The following FAM110B variants were observed in gnomAD, a reference collection of about 807,000 sequenced individuals.
The protein encoded by FAM110B is family with sequence similarity 110 member B.
FAM110B carries 6 observed loss-of-function variants against 20.4 expected under a neutral mutation model. That is an observed-to-expected ratio of 0.29 (90% CI 0.16 to 0.58). The LOEUF (loss-of-function observed/expected upper bound fraction) is 0.58, where lower values mean the gene tolerates loss of function less well. Ranked by LOEUF, FAM110B falls within the 20% of genes least tolerant of loss-of-function variation. The pLI is 0.90. For synonymous variants in FAM110B, 226 were observed against 214.1 expected, an observed-to-expected ratio of 1.06 and a Z score of -0.49; for missense variants, 434 against 498.2, an observed-to-expected ratio of 0.87 and a Z score of 1.23.
At chr8:58,066,052 G>C (rs1283957417) in intron 2 of FAM110B, among the ~76,000 whole-genome samples, 3 of 152,142 alleles carry the variant, frequency 2.0e-5, no homozygotes, top group African/African-American at 7.2e-5. Flanking sequence ...TCTGGCCCCA[G>C]CATGAGAGTC....
At chr8:58,061,447 A>G (rs981588799) in intron 2 of FAM110B, among the ~76,000 whole-genome samples, 1 of 152,176 alleles carries the variant, frequency 6.6e-6, no homozygotes, top group African/African-American at 2.4e-5. Flanking sequence ...TATCCCCTAT[A>G]AGAGGAATTT....
intron 3 of FAM110B, among the ~76,000 whole-genome samples, chr8:58,098,140 C>T (rs1806681285): frequency 6.6e-6 from 1 of 152,224 alleles, no homozygotes; most frequent in South Asian, 2.1e-4. Flanking sequence ...AAGCTGCACC[C>T]ACAGCCACCC....
intron 2 of FAM110B, among the ~76,000 whole-genome samples, chr8:58,042,826 C>T (rs2036327541): frequency 6.6e-6 from 1 of 152,180 alleles, no homozygotes; most frequent in African/African-American, 2.4e-5. Context: ...GATAAAAAAG[C>T]ATCTGCAAAT....
intron 3 of FAM110B, among the ~76,000 whole-genome samples, chr8:58,088,069 AG>A (rs751896206): frequency 6.6e-6 from 1 of 152,300 alleles, no homozygotes; most frequent in South Asian, 2.1e-4. Flanking sequence ...GGCTTATAAG[AG>A]GGGCCCAGTA....
At chr8:58,117,751 C>A (rs1807251975) in intron 3 of FAM110B, among the ~76,000 whole-genome samples, 1 of 152,250 alleles carries the variant, frequency 6.6e-6, no homozygotes, top group South Asian at 2.1e-4. Context: ...AGTGCTATTT[C>A]TATAATCATT....
At chr8:58,132,642 A>G (rs58872652) in intron 3 of FAM110B, among the ~76,000 whole-genome samples, 2,394 of 152,210 alleles carry the variant, frequency 0.016, 74 homozygotes, top group African/African-American at 0.055. Context: ...GGTAAATAGG[A>G]GACATCCACC....
chr8:58,043,074 C>A (rs1226914152), intron 2 of FAM110B: 2 of 152,210 alleles, frequency 1.3e-5, no homozygotes, highest in South Asian at 4.1e-4. Flanking sequence ...ATGAAAGCAG[C>A]AAACACCTCA....
In FAM110B at chr8:58,035,461, T is replaced by C. The variant is rs145658426; in HGVS notation, c.-414+3758T>C. Reference sequence around the variant, plus strand: ...TTTCACACATTTGTTTTTCGTATACTTGAAACTAATGACATTACTTGGCTT... The same window carrying C: ...TTTCACACATTTGTTTTTCGTATACCTGAAACTAATGACATTACTTGGCTT... On this transcript the variant is annotated intron_variant, in intron 2 of 3. Transcript: ENST00000519262. Among the ~76,000 whole-genome samples, 402 of 152,336 alleles carry C rather than the reference T, an allele frequency of 2.6e-3. 2 individuals are homozygous for C. Among genetic ancestry groups the C allele is most frequent in the African/African-American group, 9.3e-3 (385 of 41,574 alleles).
chr8:58,126,349 G>T (rs1260618476), intron 3 of FAM110B, among the ~76,000 whole-genome samples: 3 of 152,186 alleles, frequency 2.0e-5, no homozygotes, highest in Non-Finnish European at 4.4e-5. Flanking sequence ...AAGTAAAGCT[G>T]CTCTGAACAA....
At chr8:58,129,005 C>G (rs562479378) in intron 3 of FAM110B, among the ~76,000 whole-genome samples, 12 of 152,112 alleles carry the variant, frequency 7.9e-5, no homozygotes, top group Non-Finnish European at 1.5e-4. Context: ...CTCCTGAGTT[C>G]TAGAAACAAC....
chr8:58,062,204 A>G (rs1013628735), intron 2 of FAM110B, among the ~76,000 whole-genome samples: 1 of 152,228 alleles, frequency 6.6e-6, no homozygotes, highest in African/African-American at 2.4e-5. Flanking sequence ...GCATCTCTGC[A>G]TATATTATTG....
chr8:58,144,022 C>T (rs1054439652), intron 3 of FAM110B, among the ~76,000 whole-genome samples: 1 of 152,162 alleles, frequency 6.6e-6, no homozygotes, highest in Non-Finnish European at 1.5e-5. Flanking sequence ...TTTTACAGTA[C>T]GAAGGGATTG....
At chr8:58,127,493 C>A (rs1807537435) in intron 3 of FAM110B, among the ~76,000 whole-genome samples, 1 of 141,302 alleles carries the variant, frequency 7.1e-6, no homozygotes, top group South Asian at 2.1e-4. Context: ...TTTTCTTACA[C>A]CTGCTTCTTC....
chr8:58,009,867 C>CT (rs1236635686), intron 1 of FAM110B, among the ~76,000 whole-genome samples: 1 of 151,258 alleles, frequency 6.6e-6, no homozygotes, highest in Non-Finnish European at 1.5e-5. Flanking sequence ...ATTTTTTTTT[C>CT]TTTTTATAGG....
intron 2 of FAM110B, among the ~76,000 whole-genome samples, chr8:58,062,013 A>G (rs1276228544): frequency 6.6e-6 from 1 of 152,236 alleles, no homozygotes; most frequent in Non-Finnish European, 1.5e-5. Context: ...CTCTTCAAAT[A>G]ACTTTTCCTC....
In FAM110B at chr8:58,067,397, A is replaced by G. The variant is rs1012103162; in HGVS notation, c.-413-8138A>G. Among the ~76,000 whole-genome samples, 3 of 152,340 alleles carry G rather than the reference A, an allele frequency of 2.0e-5. No homozygotes were observed. The South Asian group carries it at 6.2e-4, about 32-fold the overall frequency. ...ATCTAGAAGGAGAGAAGCTGTGGTCAGACCCTCAGGGAGCTTGAGCCAAAC... is the reference window on the plus strand; with the variant it reads ...ATCTAGAAGGAGAGAAGCTGTGGTCGGACCCTCAGGGAGCTTGAGCCAAAC... On this transcript the variant is annotated intron_variant, in intron 2 of 3. Transcript: ENST00000519262.
chr8:58,107,468 C>T (rs973110310), intron 3 of FAM110B, among the ~76,000 whole-genome samples: 1 of 152,178 alleles, frequency 6.6e-6, no homozygotes, highest in Admixed American at 6.5e-5. Context: ...ATGAGAAATA[C>T]AGTCTTGTTT....
At chr8:58,072,012 C>A (rs1476355494) in intron 2 of FAM110B, among the ~76,000 whole-genome samples, 1 of 152,150 alleles carries the variant, frequency 6.6e-6, no homozygotes, top group African/African-American at 2.4e-5. Flanking sequence ...CGTTTCCCTC[C>A]CTCCCTCTGC....
rs114073279 is a variant in FAM110B at position 58,003,381 on chromosome 8, C to T, written c.-512+8575C>T. Among the ~76,000 whole-genome samples, 794 of 152,276 alleles carry T rather than the reference C, an allele frequency of 5.2e-3. 8 individuals carry two copies. Among genetic ancestry groups the T allele is most frequent in the African/African-American group, 0.018 (732 of 41,556 alleles). On this transcript the variant is annotated intron_variant, in intron 1 of 3. Transcript: ENST00000519262. ...CTCCTGTTAATGTTAATATTTTGAT[C>T]TCCTCCCATGAATCATGACCGTTCT...
Sources: gnomAD v4.1 joint callset for allele counts (sites outside exome capture counted in the v4.1 genomes callset) on GRCh38, gnomAD v4.1.1 for gene constraint, MANE v1.5 for transcripts, NCBI Gene and HGNC (gene_info 2026-07-23, HGNC 2026-07-21) for gene names.